Variants in SH3YL1 observed in about 807,000 individuals in gnomAD.
SH3YL1 encodes the protein SH3 domain-containing YSC84-like protein 1.
Under a neutral mutation model 45.8 loss-of-function variants are expected in SH3YL1, and 41 were observed. The observed-to-expected ratio is 0.89, with a 90% CI of 0.70 to 1.16. SH3YL1 has a LOEUF of 1.16. Ranked by LOEUF, SH3YL1 falls within the 50% of genes most tolerant of loss-of-function variation. SH3YL1 has a pLI of 0.00. For missense variants in SH3YL1, 389 were observed against 409.6 expected (o/e 0.95, Z 0.43); for synonymous variants, 152 against 151.4 (o/e 1.00, Z -0.03).
intron 4 of SH3YL1, among the ~76,000 whole-genome samples, chr2:245,511 A>G (rs545308025): frequency 2.6e-4 from 40 of 152,332 alleles, no homozygotes; most frequent in Admixed American, 6.5e-4. Context: ...TTAATCATCA[A>G]TATAAGCCCA....
At position 230,688 on chromosome 2, in the gene SH3YL1, T is replaced by C. The variant is rs538198371; in HGVS notation, c.702+335A>G. On this transcript the variant is annotated intron_variant, in intron 7 of 9. Transcript: ENST00000356150. ...TGCCCAGCTAATGTTTCTATTTTTA[T>C]GGTAGAGAGGGGGTTTTGCCATGTT... 111 of 296,256 alleles carry C rather than the reference T, an allele frequency of 3.7e-4. 2 individuals are homozygous for C. In the Middle Eastern group the frequency reaches 8.3e-3, roughly 22 times the overall value. 18.4% of individuals were successfully genotyped at this position (296,256 alleles called of 1,614,324 possible). A position where few individuals can be genotyped will look rare whatever the true frequency, so the allele number is the denominator to read the frequency against.
At chr2:251,934 C>T (rs1380319626) in intron 2 of SH3YL1, among the ~76,000 whole-genome samples, 1 of 152,174 alleles carries the variant, frequency 6.6e-6, no homozygotes, top group African/African-American at 2.4e-5. Flanking sequence ...GAGTCATGCA[C>T]TCTGATTAAC....
intron 8 of SH3YL1, among the ~76,000 whole-genome samples, chr2:225,183 G>C (rs373168302): frequency 5.3e-4 from 81 of 152,312 alleles, no homozygotes; most frequent in African/African-American, 1.9e-3. Context: ...AAATTCAGAT[G>C]ACAATTCTAT....
At chr2:241,006 A>G (rs1043197825) in intron 4 of SH3YL1, 5 of 152,176 alleles carry the variant, frequency 3.3e-5, no homozygotes, top group African/African-American at 1.2e-4. Context: ...GAAGTGGGAG[A>G]GTGTGACCCA....
In SH3YL1 at chr2:249,720, C is replaced by T. The variant is rs201258626; in HGVS notation, c.226+11G>A. 3.1e-3 allele frequency: 4,799 copies of T among 1,538,906 alleles called. 19 individuals are homozygous for T. The highest frequency in any genetic ancestry group is 3.8e-3 in the Non-Finnish European group (4,332 of 1,135,382). On this transcript the variant is annotated intron_variant, in intron 3 of 9. Transcript: ENST00000356150. Reference sequence around the variant, plus strand: ...AAGACTCTCTACTCCAGTGAACAGACGCCAACTTACTTCCATCTGGAAGGC... The same window carrying T: ...AAGACTCTCTACTCCAGTGAACAGATGCCAACTTACTTCCATCTGGAAGGC...
In SH3YL1 at chr2:218,280, T is replaced by C. The variant is rs774562601; in HGVS notation, c.*531A>G. On this transcript the variant is annotated 3_prime_UTR_variant, in exon 10 of 10. Coordinates refer to ENST00000356150, the MANE Select transcript of SH3YL1 (RefSeq NM_015677.4). ...GAGAGATGCCATATGTTTAAAGACA[T>C]GGTAGTCAGACTTCTTTGTAATCAC... 6.6e-6 allele frequency: 1 copy of C among 152,230 alleles called. No homozygotes were observed. Among genetic ancestry groups the C allele is most frequent in the Non-Finnish European group, 1.5e-5 (1 of 68,078 alleles). The allele number at this position is 152,230 out of a possible 1,614,324, so 9.4% of individuals were successfully genotyped here.
chr2:234,337 G>A, intron 4 of SH3YL1, 65 bp from the exon 5 acceptor site: 6 of 1,244,274 alleles, frequency 4.8e-6, no homozygotes, highest in Admixed American at 3.8e-5. Flanking sequence ...AATTCATCTT[G>A]ACTAACACTC....
chr2:248,163 CTA>C (rs1668917818), intron 3 of SH3YL1, among the ~76,000 whole-genome samples: 1 of 152,158 alleles, frequency 6.6e-6, no homozygotes, highest in African/African-American at 2.4e-5. Flanking sequence ...CATTTAGAAA[CTA>C]AGTACAGTAA....
chr2:234,446 A>G (rs181319592), intron 4 of SH3YL1, among the ~76,000 whole-genome samples, 174 bp from the exon 5 acceptor site: 1 of 152,346 alleles, frequency 6.6e-6, no homozygotes, highest in African/African-American at 2.4e-5. Context: ...TTATGAAGCC[A>G]ATATTGCCAC....
In SH3YL1 at chr2:233,184, G is replaced by A; in HGVS notation, c.450C>T (p.Phe150=). The A allele has an allele frequency of 6.3e-7, 1 of 1,594,688 alleles. No individual in the cohort carries two copies. ...AGAGTCCCCTTGACTTGCAGTACGT[G>A]AAGACGGCAGCGGAGCTTCTCAGGG... ...NVALRSSAAV[F]TYCKSRGLFA... Residue 150 remains phenylalanine, a synonymous_variant, in exon 6 of 10, where the codon TTC becomes TTT. Coordinates refer to ENST00000356150, the MANE Select transcript of SH3YL1 (RefSeq NM_015677.4).
intron 2 of SH3YL1, among the ~76,000 whole-genome samples, chr2:251,023 C>T (rs866659510): frequency 6.6e-6 from 1 of 152,088 alleles, no homozygotes; most frequent in East Asian, 1.9e-4. Context: ...ATTCTGTTCT[C>T]GATGCTTCTA....
chr2:256,465 G>T (rs1047870642), intron 1 of SH3YL1: 1 of 152,354 alleles, frequency 6.6e-6, no homozygotes, highest in East Asian at 1.9e-4. Context: ...GCCGAGGTGG[G>T]GGGATCACCT....
upstream of SH3YL1, chr2:264,211 A>G (rs1206705062): frequency 3.8e-6 from 2 of 526,640 alleles, no homozygotes; most frequent in East Asian, 7.1e-5. Context: ...CCCCGTCCTC[A>G]AGATCGAAAA....
chr2:242,916 C>A (rs1309283934), intron 4 of SH3YL1: 2 of 1,205,478 alleles, frequency 1.7e-6, no homozygotes, highest in African/African-American at 1.6e-5. Context: ...TAAACAGGGA[C>A]ATATTATAAT....
chr2:243,208 A>G (rs1668622704), intron 4 of SH3YL1, among the ~76,000 whole-genome samples: 1 of 152,212 alleles, frequency 6.6e-6, no homozygotes, highest in African/African-American at 2.4e-5. Context: ...ACTTTACCCA[A>G]TAACACAGAA....
intron 4 of SH3YL1, among the ~76,000 whole-genome samples, chr2:244,164 T>C (rs1668672859): frequency 6.6e-6 from 1 of 151,578 alleles, no homozygotes. Context: ...TCCATGGCTA[T>C]GAAAATGATT....
intron 4 of SH3YL1, among the ~76,000 whole-genome samples, chr2:246,654 G>A (rs1282236529): frequency 6.6e-6 from 1 of 152,054 alleles, no homozygotes; most frequent in Non-Finnish European, 1.5e-5. Context: ...CACAATCACT[G>A]ATGAAAATGC....
At chr2:223,051 A>C (rs902959391) in intron 9 of SH3YL1, 1 of 152,220 alleles carries the variant, frequency 6.6e-6, no homozygotes, top group Non-Finnish European at 1.5e-5. Flanking sequence ...ACCTCTTTGG[A>C]GAATGGGCTA....
rs575997339 is a variant in SH3YL1 at position 261,900 on chromosome 2, A to G, written c.1+2084T>C. Reference sequence around the variant, plus strand: ...ATACTTACAGGAAAGCAAGCTTACTAAATTTGGTTTTCCAAGTTCTTACTG... The same window carrying G: ...ATACTTACAGGAAAGCAAGCTTACTGAATTTGGTTTTCCAAGTTCTTACTG... On this transcript the variant is annotated intron_variant, in intron 1 of 9. Transcript: ENST00000356150. Among the ~76,000 whole-genome samples, 6 of 152,340 alleles carry G rather than the reference A, an allele frequency of 3.9e-5. 1 individual carries two copies. The highest frequency in any genetic ancestry group is 3.9e-4 in the Admixed American group (6 of 15,306).
Sources: gnomAD v4.1 joint callset for allele counts (sites outside exome capture counted in the v4.1 genomes callset) on GRCh38, gnomAD v4.1.1 for gene constraint, MANE v1.5 for transcripts, NCBI Gene and HGNC (gene_info 2026-07-23, HGNC 2026-07-21) for gene names.